Variants in CSMD1 observed in about 807,000 individuals in gnomAD.
CSMD1 encodes the protein CUB and sushi domain-containing protein 1.
In CSMD1, 213 loss-of-function variants were observed where a neutral mutation model predicts 417.5. The observed-to-expected ratio is 0.51, with a 90% CI of 0.46 to 0.57. The LOEUF is 0.57. Ranked by LOEUF, CSMD1 falls within the 20% of genes least tolerant of loss-of-function variation. CSMD1 has a pLI of 0.00. For missense variants in CSMD1, 6,923 were observed against 4,529.7 expected, an observed-to-expected ratio of 1.53 and a Z score of -15.17; for synonymous variants, 2,862 against 1,736.8, an observed-to-expected ratio of 1.65 and a Z score of -16.11.
chr8:4,087,893 T>A (rs1161982833), intron 3 of CSMD1, among the ~76,000 whole-genome samples: 2 of 152,214 alleles, frequency 1.3e-5, no homozygotes, highest in Admixed American at 6.5e-5. Context: ...ACTCTGCTCA[T>A]CTTTAGAAAA....
chr8:3,706,768 T>C (rs1563293168), intron 7 of CSMD1, among the ~76,000 whole-genome samples: 1 of 148,102 alleles, frequency 6.8e-6, no homozygotes, highest in Non-Finnish European at 1.5e-5. Context: ...AAAAATCATT[T>C]TCAAACTACT....
intron 2 of CSMD1, among the ~76,000 whole-genome samples, chr8:4,466,730 T>A (rs1400349459): frequency 6.6e-6 from 1 of 152,072 alleles, no homozygotes; most frequent in East Asian, 1.9e-4. Flanking sequence ...GTACAACAAA[T>A]ACATATTTCC....
intron 21 of CSMD1, among the ~76,000 whole-genome samples, chr8:3,357,202 G>A (rs1808852713): frequency 6.6e-6 from 1 of 152,166 alleles, no homozygotes; most frequent in South Asian, 2.1e-4. Context: ...GAAACTGCAG[G>A]CAAAATGCAA....
chr8:4,084,221 T>G (rs994729746), intron 3 of CSMD1, among the ~76,000 whole-genome samples: 1 of 152,070 alleles, frequency 6.6e-6, no homozygotes, highest in Non-Finnish European at 1.5e-5. Flanking sequence ...AGTTTTACTC[T>G]GTAGAGTAGT....
chr8:4,357,730 C>A (rs1801509822), intron 3 of CSMD1, among the ~76,000 whole-genome samples: 1 of 151,772 alleles, frequency 6.6e-6, no homozygotes. Flanking sequence ...AAGAGATACT[C>A]AAGCCAAAAT....
In CSMD1 at chr8:4,492,377, C is replaced by G. The variant is rs558802081; in HGVS notation, c.303-72312G>C. Among the ~76,000 whole-genome samples, 3 of 152,306 alleles carry G rather than the reference C, an allele frequency of 2.0e-5. No homozygotes were observed. In the East Asian group the frequency reaches 5.8e-4, roughly 29 times the overall value. On this transcript the variant is annotated intron_variant, in intron 2 of 69. Coordinates refer to ENST00000635120, the MANE Select transcript of CSMD1 (RefSeq NM_033225.6). ...ATATTACTAAGTGAAAGAAGGCAGT[C>G]TGTAGGATGCCAAATATCTGACATT...
chr8:4,468,954 C>T (rs976210686), intron 2 of CSMD1, among the ~76,000 whole-genome samples: 4 of 151,822 alleles, frequency 2.6e-5, no homozygotes, highest in African/African-American at 9.7e-5. Flanking sequence ...CCTTACAGAC[C>T]TTCAAGAGCA....
intron 7 of CSMD1, among the ~76,000 whole-genome samples, chr8:3,631,569 G>A (rs1220541408): frequency 1.3e-5 from 2 of 152,198 alleles, no homozygotes; most frequent in African/African-American, 4.8e-5. Flanking sequence ...AGTTTGAAAT[G>A]ACGCTAAGAA....
chr8:3,359,494 T>C (rs1809015143), intron 20 of CSMD1, among the ~76,000 whole-genome samples, 154 bp from the exon 21 acceptor site: 1 of 151,824 alleles, frequency 6.6e-6, no homozygotes, highest in African/African-American at 2.4e-5. Flanking sequence ...TGCATTTTTT[T>C]TCTTGTACTA....
chr8:4,298,733 T>TG (rs1797818244), intron 3 of CSMD1, among the ~76,000 whole-genome samples: 1 of 152,110 alleles, frequency 6.6e-6, no homozygotes, highest in Non-Finnish European at 1.5e-5. Context: ...TCCAACTAGA[T>TG]GTTAAGAAAT....
chr8:2,940,819 C>T (rs1444977170), intron 69 of CSMD1, among the ~76,000 whole-genome samples: 1 of 152,248 alleles, frequency 6.6e-6, no homozygotes, highest in Non-Finnish European at 1.5e-5. Context: ...ATGGACTAGA[C>T]CTTTTCCTTG....
intron 3 of CSMD1, among the ~76,000 whole-genome samples, chr8:4,142,536 A>T: frequency 6.6e-6 from 1 of 151,314 alleles, no homozygotes; most frequent in Admixed American, 6.6e-5. Context: ...AAGTTTAGCA[A>T]CATGTTCAGA....
At chr8:3,921,475 T>TA (rs1353190431) in intron 5 of CSMD1, among the ~76,000 whole-genome samples, 1 of 152,158 alleles carries the variant, frequency 6.6e-6, no homozygotes, top group Non-Finnish European at 1.5e-5. Context: ...CAGTGAGGTG[T>TA]AAAGTTAGGT....
intron 29 of CSMD1, 54 bp from the exon 30 acceptor site, chr8:3,214,745 G>C: frequency 7.0e-7 from 1 of 1,430,908 alleles, no homozygotes; most frequent in South Asian, 1.4e-5. Flanking sequence ...ATTCTTGTTT[G>C]TGTTTTTGTT....
chr8:4,398,472 C>G (rs1804415390), intron 3 of CSMD1, among the ~76,000 whole-genome samples: 1 of 143,348 alleles, frequency 7.0e-6, no homozygotes, highest in Non-Finnish European at 1.5e-5. Flanking sequence ...CGGCTCACTG[C>G]AACCTCCTCT....
chr8:4,120,181 A>T (rs1337806876), intron 3 of CSMD1, among the ~76,000 whole-genome samples: 1 of 152,058 alleles, frequency 6.6e-6, no homozygotes, highest in Non-Finnish European at 1.5e-5. Context: ...AAATATATAC[A>T]CCTATTGTGT....
In CSMD1 at chr8:3,411,473, T is replaced by A. The variant is rs73174807; in HGVS notation, c.1562-1868A>T. 5.8e-3 allele frequency among the ~76,000 whole-genome samples: 886 copies of A among 151,822 alleles called. 5 individuals are homozygous for A. Among genetic ancestry groups the A allele is most frequent in the Non-Finnish European group, 0.011 (715 of 67,938 alleles). On this transcript the variant is annotated intron_variant, in intron 12 of 69. Transcript: ENST00000635120. The stretch of plus-strand genomic sequence containing the variant: ...ACACCCTTTCCCCGAGTCCCCAAGG[T>A]CCATTTTATCATTCTTATGCCTTTG...
chr8:3,197,616 C>CTCAG, intron 33 of CSMD1, among the ~76,000 whole-genome samples: 1 of 151,322 alleles, frequency 6.6e-6, no homozygotes, highest in Non-Finnish European at 1.5e-5. Flanking sequence ...CAGGTGCCCG[C>CTCAG]CACCACGCCC....
chr8:4,296,957 A>T (rs987862740), intron 3 of CSMD1, among the ~76,000 whole-genome samples: 1 of 152,108 alleles, frequency 6.6e-6, no homozygotes, highest in African/African-American at 2.4e-5. Flanking sequence ...GAAAATATAA[A>T]AACCTGTAAG....
Sources: gnomAD v4.1 joint callset for allele counts (sites outside exome capture counted in the v4.1 genomes callset) on GRCh38, gnomAD v4.1.1 for gene constraint, MANE v1.5 for transcripts, NCBI Gene and HGNC (gene_info 2026-07-23, HGNC 2026-07-21) for gene names.